The following TBX2 variants were observed in gnomAD, a reference collection of about 807,000 sequenced individuals.
TBX2 encodes the protein T-box transcription factor TBX2.
In TBX2, 19 loss-of-function variants were observed where a neutral mutation model predicts 48.4. The ratio of observed to expected loss-of-function variants is 0.39; its 90% confidence interval spans 0.27 to 0.58. TBX2 has a LOEUF of 0.58. TBX2 is among the 20% of genes least tolerant of loss of function. TBX2 has a pLI of 0.54. For missense variants in TBX2, 994 were observed against 1,006.5 expected, an observed-to-expected ratio of 0.99 and a Z score of 0.17; for synonymous variants, 522 against 459.7, an observed-to-expected ratio of 1.14 and a Z score of -1.73.
chr17:61,400,677 G>C lies in TBX2; in HGVS notation c.395+106G>C. ...GGGGACTCCCGGCTCCCGGCTCCCG[G>C]CTCCAGGTTCTGGCCCTGACGCCAC... On this transcript the variant is annotated intron_variant, in intron 1 of 6. Transcript: ENST00000240328. The surrounding 1 kb of genome is among the most constrained non-coding windows in gnomAD (Gnocchi z 9.2). 1.7e-6 allele frequency: 2 copies of C among 1,189,788 alleles called. No individual in the cohort carries two copies. The highest frequency in any genetic ancestry group is 2.3e-6 in the Non-Finnish European group (2 of 876,014). The allele number at this position is 1,189,788 out of a possible 1,614,324, so 73.7% of individuals were successfully genotyped here.
At position 61,408,479 on chromosome 17, in the gene TBX2, C is replaced by G; in HGVS notation, c.2112C>G (p.Leu704=). 3 of 1,448,650 alleles carry G rather than the reference C, an allele frequency of 2.1e-6. No homozygotes were observed. Among genetic ancestry groups the G allele is most frequent in the Non-Finnish European group, 2.7e-6 (3 of 1,098,286 alleles). 89.7% of individuals were successfully genotyped at this position (1,448,650 alleles called of 1,614,324 possible). ...LVSGLESQRA[L]SPGRESPK The stretch of plus-strand genomic sequence containing the variant: ...GTGGGCTGGAGAGCCAGCGAGCCCT[C>G]TCCCCAGGCCGGGAGTCGCCCAAGT... The change falls in exon 7 of 7, where the codon CTC becomes CTG. Residue 704 remains leucine, a synonymous_variant. Transcript: ENST00000240328.
Position 61,408,323 on chromosome 17 carries a change from C to A in TBX2, c.1956C>A (p.Asn652Lys). ...ASEGSKAAGG[N>K]SREPSPLPEL... Reference sequence around the variant, plus strand: ...AGGGCTCCAAGGCCGCTGGTGGAAACAGCCGGGAGCCTAGCCCCCTGCCCG... The same window carrying A: ...AGGGCTCCAAGGCCGCTGGTGGAAAAAGCCGGGAGCCTAGCCCCCTGCCCG... The change falls in exon 7 of 7, where the codon AAC becomes AAA. Residue 652 changes from asparagine (N) to lysine (K), a missense_variant. By Grantham distance (94) the Asn-to-Lys change is moderately conservative. Around this residue, in one of 5 missense-constraint regions of TBX2, gnomAD observed 639 missense variants for 613.2 expected, o/e 1.04. Transcript: ENST00000240328. The A allele has an allele frequency of 6.2e-7, 1 of 1,609,448 alleles. No individual in the cohort carries two copies. Among genetic ancestry groups the A allele is most frequent in the Non-Finnish European group, 8.5e-7 (1 of 1,178,600 alleles).
chr17:61,406,739 T>TG lies in TBX2; in HGVS notation c.1686+910dup, dbSNP rs202133557. 18 of 110,692 alleles carry TG rather than the reference T, an allele frequency of 1.6e-4. No individual in the cohort carries two copies. The highest frequency in any genetic ancestry group is 7.8e-4 in the African/African-American group (12 of 15,352). 6.9% of individuals were successfully genotyped at this position (110,692 alleles called of 1,614,324 possible). On this transcript the variant is annotated intron_variant, in intron 6 of 6. Transcript: ENST00000240328. This position sits in a 1 kb window ranked among gnomAD's most constrained non-coding sequence, Gnocchi z 5.7. ...ATATTTTAAAAGTTGGGTTGGTGGG[T>TG]GGGGGGGTGGGGGGTTGGGAGGCAG...
rs545369174 is a variant in TBX2 at position 61,403,285 on chromosome 17, C to G, written c.810+78C>G. ...TGCAGGCCCAACCGTCCGTTCATCG[C>G]CCCTCGAAGCCCCCTGCACGGGATC... On this transcript the variant is annotated intron_variant, in intron 3 of 6. Coordinates refer to ENST00000240328, the MANE Select transcript of TBX2 (RefSeq NM_005994.4). This position sits in a 1 kb window ranked among gnomAD's most constrained non-coding sequence, Gnocchi z 5.8. The G allele has an allele frequency of 5.7e-6, 9 of 1,566,046 alleles. No individual in the cohort carries two copies. The Admixed American group carries it at 9.6e-5, about 17-fold the overall frequency.
rs750868572 is a variant in TBX2, at chr17:61,403,015, C to T, written c.664-46C>T. The T allele has an allele frequency of 4.5e-6, 7 of 1,564,850 alleles. No homozygotes were observed. The South Asian group carries it at 8.1e-5, about 18-fold the overall frequency. On this transcript the variant is annotated intron_variant, in intron 2 of 6. Coordinates refer to ENST00000240328, the MANE Select transcript of TBX2 (RefSeq NM_005994.4). This position sits in a 1 kb window ranked among gnomAD's most constrained non-coding sequence, Gnocchi z 5.8. ...CAGGTACCCAAAGAATAGAAAAGCT[C>T]GGGCCGGGGCTGGTGGCTGCCGGCT...
At position 61,403,104 on chromosome 17, in the gene TBX2, T is replaced by C. The variant is rs1336648384; in HGVS notation, c.707T>C (p.Ile236Thr). ...CACAAGTACCAGCCGCGCTTCCACATAGTGCGAGCCAACGACATCCTGAAG... is the reference window on the plus strand; with the variant it reads ...CACAAGTACCAGCCGCGCTTCCACACAGTGCGAGCCAACGACATCCTGAAG... ...SMHKYQPRFH[I>T]VRANDILKLP... Residue 236 changes from isoleucine (I) to threonine (T), a missense_variant, in exon 3 of 7, where the codon ATA (isoleucine) becomes ACA (threonine). By Grantham distance (89) the Ile-to-Thr change is moderately conservative. Transcript: ENST00000240328. This position sits in a 1 kb window ranked among gnomAD's most constrained non-coding sequence, Gnocchi z 5.8. The C allele has an allele frequency of 1.2e-6, 2 of 1,613,570 alleles. No individual in the cohort carries two copies. Among genetic ancestry groups the C allele is most frequent in the African/African-American group, 1.3e-5 (1 of 74,930 alleles).
In TBX2 at chr17:61,400,123, C is replaced by G; in HGVS notation, c.-54C>G. ...CCGCCGCCCGGGCCGGGGGTCCGAGCCGCGCGCCCCCGGCCCCGGCCCCGG... is the reference window on the plus strand; with the variant it reads ...CCGCCGCCCGGGCCGGGGGTCCGAGGCGCGCGCCCCCGGCCCCGGCCCCGG... On this transcript the variant is annotated 5_prime_UTR_variant, in exon 1 of 7. Transcript: ENST00000240328. The surrounding 1 kb of genome is among the most constrained non-coding windows in gnomAD (Gnocchi z 9.2). 4 of 947,610 alleles carry G rather than the reference C, an allele frequency of 4.2e-6. No homozygotes were observed. The highest frequency in any genetic ancestry group is 5.0e-6 in the Non-Finnish European group (4 of 798,056). The allele number at this position is 947,610 out of a possible 1,614,324, so 58.7% of individuals were successfully genotyped here. A position where few individuals can be genotyped will look rare whatever the true frequency, so the allele number is the denominator to read the frequency against.
Position 61,403,273 on chromosome 17 carries a change from G to A in TBX2, c.810+66G>A. On this transcript the variant is annotated intron_variant, in intron 3 of 6. Transcript: ENST00000240328. This position sits in a 1 kb window ranked among gnomAD's most constrained non-coding sequence, Gnocchi z 5.8. ...CCCCTCAACACGTGCAGGCCCAACC[G>A]TCCGTTCATCGCCCCTCGAAGCCCC... 1 of 1,577,750 alleles carries A rather than the reference G, an allele frequency of 6.3e-7. No homozygotes were observed. Among genetic ancestry groups the A allele is most frequent in the Non-Finnish European group, 8.5e-7 (1 of 1,170,274 alleles).
chr17:61,400,660 C>T lies in TBX2; in HGVS notation c.395+89C>T. ...CGGATCAGAGCAGAGCTGGGGACTC[C>T]CGGCTCCCGGCTCCCGGCTCCAGGT... On this transcript the variant is annotated intron_variant, in intron 1 of 6. Transcript: ENST00000240328. The surrounding 1 kb of genome is among the most constrained non-coding windows in gnomAD (Gnocchi z 9.2). 8.6e-7 allele frequency: 1 copy of T among 1,160,410 alleles called. No individual in the cohort carries two copies. 71.9% of individuals were successfully genotyped at this position (1,160,410 alleles called of 1,614,324 possible).
chr17:61,405,107 TC>T, intron 5 of TBX2, 94 bp from the exon 6 acceptor site: 1 of 1,498,898 alleles, frequency 6.7e-7, no homozygotes, highest in East Asian at 2.5e-5. Context: ...CTCCTCCGAC[TC>T]GGCCTCCCCG....
intron 3 of TBX2, 141 bp from the exon 4 acceptor site, chr17:61,404,280 G>A: frequency 9.5e-7 from 1 of 1,047,672 alleles, no homozygotes; most frequent in Non-Finnish European, 1.4e-6. Context: ...AGCTCGGGGC[G>A]TCCCATCCCA....
In TBX2 at chr17:61,404,617, C is replaced by G. The variant is rs769157834; in HGVS notation, c.899C>G (p.Thr300Arg). ...NGRREKRKQL[T>R]LPSLRLYEEH... is the part of the protein sequence containing the mutation. ...CCGCTCATCCCCAGGAAGCAGCTGACGCTGCCGTCTCTACGCTTGTACGAG... is the reference window on the plus strand; with the variant it reads ...CCGCTCATCCCCAGGAAGCAGCTGAGGCTGCCGTCTCTACGCTTGTACGAG... The change falls in exon 5 of 7, where the codon ACG becomes AGG. Residue 300 changes from threonine (T) to arginine (R), a missense_variant. Transcript: ENST00000240328. The G allele has an allele frequency of 4.4e-6, 7 of 1,581,922 alleles. No homozygotes were observed. Among genetic ancestry groups the G allele is most frequent in the Non-Finnish European group, 6.0e-6 (7 of 1,161,968 alleles).
Position 61,406,070 on chromosome 17 carries a change from T to G in TBX2, c.1686+234T>G. On this transcript the variant is annotated intron_variant, in intron 6 of 6. Transcript: ENST00000240328. This position sits in a 1 kb window ranked among gnomAD's most constrained non-coding sequence, Gnocchi z 5.7. ...CGCCGCTTCTGACTCCCGTGTGACCTTTGGCAAGTCCCTGACCCTCTCTGG... is the reference window on the plus strand; with the variant it reads ...CGCCGCTTCTGACTCCCGTGTGACCGTTGGCAAGTCCCTGACCCTCTCTGG... 2.5e-6 allele frequency: 1 copy of G among 400,222 alleles called. No homozygotes were observed. Among genetic ancestry groups the G allele is most frequent in the Non-Finnish European group, 4.3e-6 (1 of 232,666 alleles). The allele number at this position is 400,222 out of a possible 1,614,324, so 24.8% of individuals were successfully genotyped here. A position where few individuals can be genotyped will look rare whatever the true frequency, so the allele number is the denominator to read the frequency against.
In TBX2 at chr17:61,400,391, A is replaced by C. The variant is rs1022494087; in HGVS notation, c.215A>C (p.Glu72Ala). 4.7e-6 allele frequency: 6 copies of C among 1,267,052 alleles called. No homozygotes were observed. Among genetic ancestry groups the C allele is most frequent in the African/African-American group, 3.1e-5 (2 of 64,332 alleles). The allele number at this position is 1,267,052 out of a possible 1,614,324, so 78.5% of individuals were successfully genotyped here. The change falls in exon 1 of 7, where the codon GAG (glutamate) becomes GCG (alanine). Residue 72 changes from glutamate (E) to alanine (A), a missense_variant. Physicochemically the swap from Glu to Ala is moderately radical, Grantham distance 107. This residue lies in a region of TBX2 where 165 missense variants were observed against 136.8 expected (regional missense o/e 1.21). Coordinates refer to ENST00000240328, the MANE Select transcript of TBX2 (RefSeq NM_005994.4). The surrounding 1 kb of genome is among the most constrained non-coding windows in gnomAD (Gnocchi z 9.2). ...AAAAAAAAAAEAGLHVSALGP... is the reference protein window; with the variant it reads ...AAAAAAAAAAAAGLHVSALGP... ...GCGGCGGCGGCGGCAGCAGCGGCCG[A>C]GGCGGGGCTGCACGTCTCGGCACTG...
chr17:61,400,594 AGGCGCGCGGGCG>A lies in TBX2; in HGVS notation c.395+28_395+39del, dbSNP rs1221376406. ...GAGGTAGGGCTGCCGGCCGGCTGGA[AGGCGCGCGGGCG>A]GGCGGGCGGGCTGGGGCACGGGACT... On this transcript the variant is annotated intron_variant, in intron 1 of 6. Coordinates refer to ENST00000240328, the MANE Select transcript of TBX2 (RefSeq NM_005994.4). The surrounding 1 kb of genome is among the most constrained non-coding windows in gnomAD (Gnocchi z 9.2). 7.7e-7 allele frequency: 1 copy of A among 1,295,144 alleles called. No individual in the cohort carries two copies. The highest frequency in any genetic ancestry group is 3.0e-5 in the East Asian group (1 of 33,648). The allele number at this position is 1,295,144 out of a possible 1,614,324, so 80.2% of individuals were successfully genotyped here.
Position 61,408,554 on chromosome 17 carries a change from G to A in TBX2, c.*48G>A, listed in dbSNP as rs1168023805. On this transcript the variant is annotated 3_prime_UTR_variant, in exon 7 of 7. Transcript: ENST00000240328. ...GCCACGCAGGCCACCCGGGCTGCCT[G>A]CCCCTGCTGCTTGGGACGTGTACAG... 2 of 1,415,328 alleles carry A rather than the reference G, an allele frequency of 1.4e-6. No homozygotes were observed. The highest frequency in any genetic ancestry group is 1.8e-6 in the Non-Finnish European group (2 of 1,083,148). 87.7% of individuals were successfully genotyped at this position (1,415,328 alleles called of 1,614,324 possible).
Position 61,403,153 on chromosome 17 carries a change from C to T in TBX2, c.756C>T (p.Thr252=). The change falls in exon 3 of 7, where the codon ACC becomes ACT. Residue 252 remains threonine (T), a synonymous_variant. Transcript: ENST00000240328. This position sits in a 1 kb window ranked among gnomAD's most constrained non-coding sequence, Gnocchi z 5.8. ...ILKLPYSTFR[T]YVFPETDFIA... ...AGCTGCCTTACAGCACCTTCCGCAC[C>T]TACGTGTTCCCGGAGACCGACTTCA... is the stretch of plus-strand genomic sequence containing the variant. 3 of 1,613,768 alleles carry T rather than the reference C, an allele frequency of 1.9e-6. No homozygotes were observed. Among genetic ancestry groups the T allele is most frequent in the Non-Finnish European group, 2.5e-6 (3 of 1,180,010 alleles).
At chr17:61,404,528 G>A in intron 4 of TBX2, 31 bp downstream of exon 4, 2 of 1,591,762 alleles carry the variant, frequency 1.3e-6, no homozygotes, top group Non-Finnish European at 1.7e-6. Context: ...GCCCTGTGGC[G>A]GGTGCCCGCG....
At position 61,408,394 on chromosome 17, in the gene TBX2, C is replaced by T. The variant is rs1458420643; in HGVS notation, c.2027C>T (p.Ser676Leu). The stretch of plus-strand genomic sequence containing the variant: ...GGGGCCCCATCCCGCGGTGCCCTGT[C>T]GCCCAGTGGCTCGGCCAAGGAGGCG... ...KVGAPSRGAL[S>L]PSGSAKEAAN... Residue 676 changes from serine to leucine, a missense_variant, in exon 7 of 7, where the codon TCG becomes TTG. This residue lies in a region of TBX2 where 639 missense variants were observed against 613.2 expected (regional missense o/e 1.04). Transcript: ENST00000240328. The T allele has an allele frequency of 5.1e-6, 8 of 1,556,858 alleles. No individual in the cohort carries two copies. Among genetic ancestry groups the T allele is most frequent in the South Asian group, 3.5e-5 (3 of 84,636 alleles).
Sources: allele counts gnomAD v4.1 joint callset, GRCh38; gene constraint gnomAD v4.1.1; regional missense constraint gnomAD v4.1.1; non-coding constraint Gnocchi (gnomAD v3.1); transcripts MANE v1.5; gene names NCBI Gene and HGNC (gene_info 2026-07-23, HGNC 2026-07-21).